GRK4: variants seen among roughly 807,000 people sequenced by gnomAD.
The protein encoded by GRK4 is G protein-coupled receptor kinase 2-like.
Under a neutral mutation model 77.9 loss-of-function variants are expected in GRK4, and 73 were observed. The ratio of observed to expected loss-of-function variants is 0.94; its 90% CI spans 0.78 to 1.14. GRK4 has a LOEUF of 1.14. GRK4 is among the 50% of genes most tolerant of loss of function. GRK4 has a pLI of 0.00. For synonymous variants in GRK4, 257 were observed against 254.4 expected (o/e 1.01, Z -0.10); for missense variants, 729 against 700.2 (o/e 1.04, Z -0.46).
At chr4:2,982,411 T>G (rs1723121363) in intron 1 of GRK4, among the ~76,000 whole-genome samples, 1 of 152,180 alleles carries the variant, frequency 6.6e-6, no homozygotes, top group African/African-American at 2.4e-5. Context: ...TTGAGTAGTG[T>G]AAAGTTGGGA....
In GRK4 at chr4:2,986,426, G is replaced by A. The variant is rs527383794; in HGVS notation, c.148+1818G>A. On this transcript the variant is annotated intron_variant, in intron 2 of 15. Coordinates refer to ENST00000398052, the MANE Select transcript of GRK4 (RefSeq NM_182982.3). The stretch of plus-strand genomic sequence containing the variant: ...GGCTGGAGTGCAATGGCATGATCTC[G>A]GCTCACTGCAAGCTCCGCCTCCCAG... Among the ~76,000 whole-genome samples, 496 of 142,690 alleles carry A rather than the reference G, an allele frequency of 3.5e-3. 3 individuals carry two copies. Among genetic ancestry groups the A allele is most frequent in the Non-Finnish European group, 5.0e-3 (331 of 66,594 alleles). The allele number at this position is 142,690 out of a possible 152,430, so 93.6% of individuals were successfully genotyped here.
chr4:3,004,742 C>T (rs946091892), intron 5 of GRK4, among the ~76,000 whole-genome samples: 2 of 151,888 alleles, frequency 1.3e-5, no homozygotes, highest in Non-Finnish European at 2.9e-5. Flanking sequence ...TCTTCATCCT[C>T]GTCATCTGCA....
At chr4:3,020,820 G>GA (rs57260663) in intron 9 of GRK4, among the ~76,000 whole-genome samples, 1 of 127,280 alleles carries the variant, frequency 7.9e-6, no homozygotes, top group Non-Finnish European at 1.7e-5. Flanking sequence ...AAAATATTCA[G>GA]AAAAAAAAGG....
intron 4 of GRK4, among the ~76,000 whole-genome samples, chr4:2,995,031 G>A (rs1727370933): frequency 6.6e-6 from 1 of 152,110 alleles, no homozygotes; most frequent in Non-Finnish European, 1.5e-5. Flanking sequence ...AGAATATGTG[G>A]TATTTGGTTT....
chr4:2,965,433 A>G (rs909318367), intron 1 of GRK4: 3 of 702,970 alleles, frequency 4.3e-6, no homozygotes, highest in African/African-American at 1.7e-5. Context: ...CGTCACTCTT[A>G]CGGAATTGCT....
intron 9 of GRK4, among the ~76,000 whole-genome samples, chr4:3,021,366 C>A (rs543462486): frequency 9.2e-5 from 14 of 152,248 alleles, no homozygotes; most frequent in African/African-American, 2.7e-4. Context: ...GCCCCTCCCC[C>A]ACATCCTCCA....
chr4:2,977,337 TATC>T (rs1472846461), intron 1 of GRK4, among the ~76,000 whole-genome samples: 2 of 152,216 alleles, frequency 1.3e-5, no homozygotes, highest in African/African-American at 4.8e-5. Context: ...CCTCTTGAGT[TATC>T]ATCACAGACA....
intron 12 of GRK4, 88 bp downstream of exon 12, chr4:3,029,497 C>G (rs1025892838): frequency 2.6e-6 from 3 of 1,140,396 alleles, no homozygotes; most frequent in Middle Eastern, 4.2e-4. Context: ...AAAAATTGGT[C>G]TGTCATCTTC....
intron 4 of GRK4, among the ~76,000 whole-genome samples, chr4:2,995,248 G>A (rs924021884): frequency 7.9e-5 from 12 of 152,204 alleles, no homozygotes; most frequent in South Asian, 2.1e-4. Flanking sequence ...GAACATATGC[G>A]TGCATGGAGA....
intron 10 of GRK4, 109 bp from the exon 11 acceptor site, chr4:3,027,803 C>G (rs1334547637): frequency 2.5e-6 from 2 of 806,982 alleles, no homozygotes; most frequent in Middle Eastern, 2.6e-4. Flanking sequence ...GTATGAAATG[C>G]TATTATTTCC....
intron 9 of GRK4, 126 bp from the exon 10 acceptor site, chr4:3,022,288 C>A (rs2109996276): frequency 1.3e-6 from 1 of 770,502 alleles, no homozygotes; most frequent in African/African-American, 1.7e-5. Context: ...TTTGCCGTGG[C>A]TCATGAAGGG....
At chr4:3,019,886 G>A in intron 9 of GRK4, 55 bp downstream of exon 9, 1 of 1,519,182 alleles carries the variant, frequency 6.6e-7, no homozygotes, top group Non-Finnish European at 8.9e-7. Flanking sequence ...GTTTCTCCCA[G>A]CCCTAGGCTT....
chr4:2,973,156 TTGC>T (rs1260415157), intron 1 of GRK4, among the ~76,000 whole-genome samples: 1 of 152,244 alleles, frequency 6.6e-6, no homozygotes, highest in East Asian at 1.9e-4. Flanking sequence ...GGTCCTTGTC[TTGC>T]TGCCCCCGTG....
chr4:3,038,345 G>C (rs1425368219), intron 14 of GRK4, 31 bp from the exon 15 acceptor site: 2 of 1,612,396 alleles, frequency 1.2e-6, no homozygotes, highest in East Asian at 2.2e-5. Context: ...TTTCTCTGCG[G>C]CTTCTCTGTC....
intron 12 of GRK4, among the ~76,000 whole-genome samples, chr4:3,034,060 T>C (rs1578400764): frequency 1.3e-5 from 2 of 152,334 alleles, no homozygotes; most frequent in Admixed American, 6.5e-5. Flanking sequence ...CGCGTCCAAA[T>C]GACTCATTCT....
At chr4:2,983,186 T>C (rs1723325958) in intron 1 of GRK4, among the ~76,000 whole-genome samples, 1 of 152,246 alleles carries the variant, frequency 6.6e-6, no homozygotes, top group Non-Finnish European at 1.5e-5. Flanking sequence ...TCTGAGCTCA[T>C]CCCAGTCTAC....
At chr4:2,970,315 T>C (rs1719086135) in intron 1 of GRK4, among the ~76,000 whole-genome samples, 1 of 152,146 alleles carries the variant, frequency 6.6e-6, no homozygotes, top group Admixed American at 6.5e-5. Context: ...ATTGGGTTAT[T>C]GGCTTTATGC....
At chr4:3,015,883 G>A (rs886785282) in intron 8 of GRK4, among the ~76,000 whole-genome samples, 1 of 149,474 alleles carries the variant, frequency 6.7e-6, no homozygotes, top group African/African-American at 2.5e-5. Flanking sequence ...AAACCAGCCT[G>A]GGCAACATAG....
chr4:2,983,516 C>T (rs1723417837), intron 1 of GRK4, among the ~76,000 whole-genome samples: 1 of 152,198 alleles, frequency 6.6e-6, no homozygotes, highest in Non-Finnish European at 1.5e-5. Flanking sequence ...ATGGGATGCT[C>T]TTCTCCCAGC....
Sources: allele counts gnomAD v4.1 joint callset (sites outside exome capture counted in the v4.1 genomes callset), GRCh38; gene constraint gnomAD v4.1.1; transcripts MANE v1.5; gene names NCBI Gene and HGNC (gene_info 2026-07-23, HGNC 2026-07-21).